The following PDZK1 variants were observed in gnomAD, a reference collection of about 807,000 sequenced individuals.
PDZK1 encodes Na(+)/H(+) exchange regulatory cofactor NHE-RF3.
In PDZK1, 23 loss-of-function variants were observed where a neutral mutation model predicts 38.1. That is an observed-to-expected ratio of 0.60 (90% CI 0.43 to 0.85). The LOEUF (loss-of-function observed/expected upper bound fraction) is 0.85. Among genes scored for constraint, PDZK1 ranks in the 40% least tolerant of loss-of-function variants. The pLI is 0.00. For synonymous variants in PDZK1, 98 were observed against 186.2 expected, an observed-to-expected ratio of 0.53 and a Z score of 3.86; for missense variants, 297 against 504.3, an observed-to-expected ratio of 0.59 and a Z score of 3.94.
At chr1:145,690,959 G>A (rs782234762) in intron 1 of PDZK1, among the ~76,000 whole-genome samples, 50 of 152,328 alleles carry the variant, frequency 3.3e-4, no homozygotes, top group Non-Finnish European at 5.9e-4. Context: ...AGCATTCAAG[G>A]TCAGTTTCTT....
At chr1:145,679,590 C>G (rs1179873098) in intron 5 of PDZK1, among the ~76,000 whole-genome samples, 2 of 152,050 alleles carry the variant, frequency 1.3e-5, no homozygotes, top group Non-Finnish European at 2.9e-5. Flanking sequence ...GGTGCACATT[C>G]CTAACCAAGT....
At chr1:145,692,730 A>G (rs1296363263) in intron 1 of PDZK1, among the ~76,000 whole-genome samples, 1 of 149,076 alleles carries the variant, frequency 6.7e-6, no homozygotes, top group Non-Finnish European at 1.5e-5. Context: ...AAGAAGAAGA[A>G]GAAAGAAAGA....
At position 145,700,828 on chromosome 1, in the gene PDZK1, A is replaced by G. The variant is rs587651113; in HGVS notation, c.-3+6489T>C. Among the ~76,000 whole-genome samples, 3 of 152,312 alleles carry G rather than the reference A, an allele frequency of 2.0e-5. No individual in the cohort carries two copies. The South Asian group carries it at 6.2e-4, about 32-fold the overall frequency. On this transcript the variant is annotated intron_variant, in intron 1 of 8. Transcript: ENST00000417171. ...ACTAGGAATCAATTATGCCGTCAGT[A>G]TCACACCACGAAGACAACAGAGCCT...
chr1:145,687,419 G>T (rs1553702036), intron 2 of PDZK1, among the ~76,000 whole-genome samples: 1 of 150,636 alleles, frequency 6.6e-6, no homozygotes, highest in Non-Finnish European at 1.5e-5. Context: ...CAGCTACTTG[G>T]GAGGCTGAGG....
At chr1:145,701,832 A>C (rs1376898557) in intron 1 of PDZK1, among the ~76,000 whole-genome samples, 1 of 152,204 alleles carries the variant, frequency 6.6e-6, no homozygotes, top group Non-Finnish European at 1.5e-5. Context: ...CCCTTCTTCA[A>C]ATATATTTTA....
chr1:145,700,462 A>C (rs1553704824), intron 1 of PDZK1, among the ~76,000 whole-genome samples: 1 of 152,162 alleles, frequency 6.6e-6, no homozygotes, highest in African/African-American at 2.4e-5. Flanking sequence ...GAGAAGATGG[A>C]GTGAGTGAAG....
intron 6 of PDZK1, among the ~76,000 whole-genome samples, chr1:145,677,488 G>C (rs1482895651): frequency 6.7e-6 from 1 of 149,266 alleles, no homozygotes; most frequent in Non-Finnish European, 1.5e-5. Context: ...TTGATATCAA[G>C]TATTTTCTAG....
At chr1:145,687,294 C>T (rs1415969447) in intron 2 of PDZK1, among the ~76,000 whole-genome samples, 1 of 150,178 alleles carries the variant, frequency 6.7e-6, no homozygotes, top group Admixed American at 6.7e-5. Flanking sequence ...CCGAAGCGGG[C>T]GGATCACGAG....
At chr1:145,704,343 T>G (rs1416625665) in intron 1 of PDZK1, among the ~76,000 whole-genome samples, 2 of 152,192 alleles carry the variant, frequency 1.3e-5, no homozygotes, top group African/African-American at 2.4e-5. Flanking sequence ...AGTGACCACC[T>G]CAGACCAAAA....
At chr1:145,681,471 G>A (rs587724085) in intron 4 of PDZK1, among the ~76,000 whole-genome samples, 1 of 148,798 alleles carries the variant, frequency 6.7e-6, no homozygotes, top group Non-Finnish European at 1.5e-5. Flanking sequence ...TTTATTTTTA[G>A]TGGAGACGGT....
chr1:145,692,793 G>A (rs1339943877), intron 1 of PDZK1, among the ~76,000 whole-genome samples: 7 of 151,996 alleles, frequency 4.6e-5, no homozygotes, highest in African/African-American at 1.7e-4. Flanking sequence ...CCAGCACTTT[G>A]GGAGGCCAAG....
Position 145,682,523 on chromosome 1 carries a change from T to G in PDZK1, c.574A>C (p.Ser192Arg). 3 of 1,604,930 alleles carry G rather than the reference T, an allele frequency of 1.9e-6. No homozygotes were observed. The South Asian group carries it at 3.3e-5, about 18-fold the overall frequency. ...EVNGENVEDA[S>R]HEEVVEKVKK... ...ACCTTTTCAACCACTTCCTCATGGCTGGCATCCTCTACATTCTCTCCATTC... is the reference window on the plus strand; with the variant it reads ...ACCTTTTCAACCACTTCCTCATGGCGGGCATCCTCTACATTCTCTCCATTC... The change falls in exon 4 of 9, where the codon AGC becomes CGC. Residue 192 changes from serine (S) to arginine (R), a missense_variant. By Grantham distance (110) the Ser-to-Arg change is moderately radical (BLOSUM62 -1). Around this residue, in one of 5 missense-constraint regions of PDZK1, gnomAD observed 35 missense variants for 73.9 expected, o/e 0.47. Transcript: ENST00000417171.
At chr1:145,676,269 G>T (rs1248915778) in intron 6 of PDZK1, 1 of 505,050 alleles carries the variant, frequency 2.0e-6, no homozygotes, top group African/African-American at 2.1e-5. Flanking sequence ...AGATCAGGAG[G>T]GGTCAGAATC....
chr1:145,672,336 A>C (rs1369712316), intron 8 of PDZK1, among the ~76,000 whole-genome samples: 2 of 151,072 alleles, frequency 1.3e-5, no homozygotes, highest in African/African-American at 4.9e-5. Flanking sequence ...TAACAATCCT[A>C]CAAATTATTC....
intron 7 of PDZK1, 82 bp from the exon 8 acceptor site, chr1:145,673,102 A>C (rs1332851022): frequency 1.5e-6 from 2 of 1,321,898 alleles, no homozygotes; most frequent in Non-Finnish European, 2.2e-6. Flanking sequence ...ATAGATGAGG[A>C]GCTCAAGAAT....
intron 1 of PDZK1, among the ~76,000 whole-genome samples, chr1:145,692,052 T>C (rs1553703336): frequency 6.6e-6 from 1 of 152,042 alleles, no homozygotes; most frequent in Non-Finnish European, 1.5e-5. Flanking sequence ...AGATTATTGC[T>C]GCCAGGAAAG....
chr1:145,683,174 A>C (rs1475342015), intron 3 of PDZK1, among the ~76,000 whole-genome samples: 2 of 152,194 alleles, frequency 1.3e-5, no homozygotes, highest in Non-Finnish European at 2.9e-5. Context: ...CCGATTTTAG[A>C]GCTAACTCGG....
intron 1 of PDZK1, among the ~76,000 whole-genome samples, chr1:145,693,133 G>A (rs1559075296): frequency 6.6e-6 from 1 of 152,190 alleles, no homozygotes; most frequent in Non-Finnish European, 1.5e-5. Context: ...AGTGAAGTCA[G>A]CAGAATGACA....
chr1:145,672,437 T>G (rs1215700703), intron 8 of PDZK1, among the ~76,000 whole-genome samples: 1 of 150,684 alleles, frequency 6.6e-6, no homozygotes, highest in Non-Finnish European at 1.5e-5. Context: ...CATATCTAGA[T>G]CATCCGATTC....
Sources: gnomAD v4.1 joint callset for allele counts (sites outside exome capture counted in the v4.1 genomes callset) on GRCh38, gnomAD v4.1.1 for gene constraint, gnomAD v4.1.1 regional missense constraint, MANE v1.5 for transcripts, NCBI Gene and HGNC (gene_info 2026-07-23, HGNC 2026-07-21) for gene names.